WIPI2: variants seen among roughly 807,000 people sequenced by gnomAD.
WIPI2 encodes the protein WD repeat domain, phosphoinositide interacting 2, also known as WD repeat domain phosphoinositide-interacting protein 2.
WIPI2 carries 28 observed loss-of-function variants against 52.3 expected under a neutral mutation model. The observed-to-expected ratio is 0.54, with a 90% CI of 0.40 to 0.73. The LOEUF is 0.73. WIPI2 is among the 30% of genes least tolerant of loss of function. WIPI2 has a pLI of 0.00. For synonymous variants in WIPI2, 268 were observed against 245.0 expected (o/e 1.09, Z -0.88); for missense variants, 506 against 602.9 (o/e 0.84, Z 1.68).
In WIPI2 at chr7:5,217,122, T is replaced by A. The variant is rs757815497; in HGVS notation, c.511T>A (p.Cys171Ser). The change falls in exon 6 of 13, where the codon TGC becomes AGC. Residue 171 changes from cysteine (C) to serine (S), a missense_variant. Around this residue, in one of 4 missense-constraint regions of WIPI2, gnomAD observed 237 missense variants for 346.9 expected, o/e 0.68. Coordinates refer to ENST00000288828, the MANE Select transcript of WIPI2 (RefSeq NM_015610.4). ...LCALSINNDNCYLAYPGSATI... is the reference protein window; with the variant it reads ...LCALSINNDNSYLAYPGSATI... ...TGCGCTGTCAATCAACAACGACAACTGCTACTTGGCGTACCCAGGGAGCGC... is the reference window on the plus strand; with the variant it reads ...TGCGCTGTCAATCAACAACGACAACAGCTACTTGGCGTACCCAGGGAGCGC... The A allele has an allele frequency of 1.2e-6, 2 of 1,613,946 alleles. No homozygotes were observed. The highest frequency in any genetic ancestry group is 2.2e-5 in the South Asian group (2 of 91,064).
At chr7:5,214,790 C>A in intron 4 of WIPI2, 86 bp downstream of exon 4, 2 of 1,479,670 alleles carry the variant, frequency 1.4e-6, no homozygotes, top group Non-Finnish European at 1.9e-6. Context: ...CATGCCCCTC[C>A]GTCATTCCCT....
intron 2 of WIPI2, among the ~76,000 whole-genome samples, chr7:5,197,970 G>T (rs1006378882): frequency 2.6e-5 from 4 of 152,180 alleles, no homozygotes; most frequent in Non-Finnish European, 5.9e-5. Context: ...GCACTTTTCT[G>T]ATGAGGAAAC....
intron 2 of WIPI2, among the ~76,000 whole-genome samples, chr7:5,196,029 C>A (rs1383584332): frequency 1.3e-5 from 2 of 150,860 alleles, no homozygotes; most frequent in Non-Finnish European, 2.9e-5. Context: ...CAGAGCAAGA[C>A]TCCATCTCAA....
At chr7:5,216,998 G>T in intron 5 of WIPI2, 92 bp from the exon 6 acceptor site, 1 of 1,290,012 alleles carries the variant, frequency 7.8e-7, no homozygotes, top group South Asian at 1.4e-5. Context: ...TGTTCCTAAT[G>T]CTCTGTTAAA....
At chr7:5,203,765 G>A (rs372298162) in intron 3 of WIPI2, among the ~76,000 whole-genome samples, 6 of 149,540 alleles carry the variant, frequency 4.0e-5, no homozygotes, top group East Asian at 2.1e-4. Context: ...CCCGAGTAGC[G>A]CCACCATGCC....
At chr7:5,200,342 C>A (rs10951842) in intron 3 of WIPI2, among the ~76,000 whole-genome samples, 1 of 152,080 alleles carries the variant, frequency 6.6e-6, no homozygotes, top group Admixed American at 6.6e-5. Flanking sequence ...TTTCCACGTG[C>A]GTAATTTTTA....
chr7:5,214,265 A>C, intron 3 of WIPI2: 1 of 1,413,754 alleles, frequency 7.1e-7, no homozygotes, highest in Non-Finnish European at 9.3e-7. Context: ...ATTCAAATCC[A>C]GCAACAGAAC....
rs1389401488 is a variant in WIPI2, at chr7:5,232,063, C to T, written c.*1116C>T. On this transcript the variant is annotated 3_prime_UTR_variant, in exon 13 of 13. Transcript: ENST00000288828. ...TTTCATATTTACAGAATTAAAACAA[C>T]CTCAAGTACCTCAGACTCTGCATTC... 2.5e-6 allele frequency: 1 copy of T among 398,052 alleles called. No individual in the cohort carries two copies. The highest frequency in any genetic ancestry group is 4.4e-6 in the Non-Finnish European group (1 of 226,012). 24.7% of individuals were successfully genotyped at this position (398,052 alleles called of 1,614,324 possible).
chr7:5,213,548 G>T (rs568947553), intron 3 of WIPI2: 2 of 152,268 alleles, frequency 1.3e-5, no homozygotes, highest in African/African-American at 2.4e-5. Flanking sequence ...TTAGTCACAC[G>T]CAGCGCAGGT....
At chr7:5,192,184 A>C (rs1310208165) in intron 1 of WIPI2, among the ~76,000 whole-genome samples, 4 of 152,202 alleles carry the variant, frequency 2.6e-5, no homozygotes, top group Non-Finnish European at 5.9e-5. Flanking sequence ...AACAACAAAC[A>C]ATTCGGACAA....
rs1783757851 is a variant in WIPI2 at position 5,232,201 on chromosome 7, G to C, written c.*1254G>C. The C allele has an allele frequency of 2.5e-6, 1 of 398,784 alleles. No homozygotes were observed. Among genetic ancestry groups the C allele is most frequent in the Non-Finnish European group, 4.4e-6 (1 of 226,082 alleles). 24.7% of individuals were successfully genotyped at this position (398,784 alleles called of 1,614,324 possible). A position where few individuals can be genotyped will look rare whatever the true frequency, so the allele number is the denominator to read the frequency against. ...TGGAAGTTACGGATAGAAGGGAAAA[G>C]GCAAAAACTATTTACCCTGCCTTTG... On this transcript the variant is annotated 3_prime_UTR_variant, in exon 13 of 13. Coordinates refer to ENST00000288828, the MANE Select transcript of WIPI2 (RefSeq NM_015610.4).
intron 2 of WIPI2, 184 bp downstream of exon 2, chr7:5,193,355 G>A (rs777485038): frequency 1.3e-5 from 18 of 1,403,886 alleles, no homozygotes; most frequent in Admixed American, 1.2e-4. Flanking sequence ...AGTTAGTGAT[G>A]TAGCAATGTC....
chr7:5,199,489 G>C, intron 2 of WIPI2, 87 bp from the exon 3 acceptor site: 1 of 1,172,568 alleles, frequency 8.5e-7, no homozygotes, highest in Non-Finnish European at 1.2e-6. Context: ...AACTTGCTGG[G>C]AACTCGCTGG....
intron 3 of WIPI2, among the ~76,000 whole-genome samples, chr7:5,209,275 G>T (rs944358290): frequency 6.6e-6 from 1 of 152,130 alleles, no homozygotes. Context: ...TCTAATGTTT[G>T]TGCCTTTTAT....
intron 7 of WIPI2, chr7:5,218,899 G>T (rs911469030): frequency 6.6e-6 from 1 of 152,042 alleles, no homozygotes; most frequent in South Asian, 2.1e-4. Flanking sequence ...ATTGGCCACC[G>T]ATGACCTTTA....
At chr7:5,209,847 A>G (rs929927567) in intron 3 of WIPI2, among the ~76,000 whole-genome samples, 2 of 152,000 alleles carry the variant, frequency 1.3e-5, no homozygotes, top group African/African-American at 2.4e-5. Context: ...TCCCTTGCCC[A>G]TGCATATCCC....
chr7:5,222,052 C>T (rs1287295770), intron 7 of WIPI2, among the ~76,000 whole-genome samples: 1 of 149,750 alleles, frequency 6.7e-6, no homozygotes, highest in African/African-American at 2.5e-5. Flanking sequence ...TGGGTTCAAG[C>T]GATTCTTCTG....
Position 5,223,337 on chromosome 7 carries a change from G to A in WIPI2, c.740+665G>A, listed in dbSNP as rs112724871. ...CCTCAGGTCTGTGGCTCCACGTCTC[G>A]GATCAGTACCTCCCTCCCTGAAGGT... On this transcript the variant is annotated intron_variant, in intron 8 of 12. Transcript: ENST00000288828. Among the ~76,000 whole-genome samples, 68 of 152,302 alleles carry A rather than the reference G, an allele frequency of 4.5e-4. 1 individual carries two copies. Among genetic ancestry groups the A allele is most frequent in the Middle Eastern group, 3.4e-3 (1 of 294 alleles).
In WIPI2 at chr7:5,225,965, G is replaced by A. The variant is rs776153536; in HGVS notation, c.848+35G>A. 3.8e-6 allele frequency: 6 copies of A among 1,580,270 alleles called. No homozygotes were observed. The African/African-American group carries it at 4.0e-5, about 11-fold the overall frequency. On this transcript the variant is annotated intron_variant, in intron 9 of 12. Transcript: ENST00000288828. ...AAATATACGTTTCTTTAAAAATGAT[G>A]CAAAACCCTTTGTCCCCACTTGCTG...
Sources: allele counts gnomAD v4.1 joint callset (sites outside exome capture counted in the v4.1 genomes callset), GRCh38; gene constraint gnomAD v4.1.1; regional missense constraint gnomAD v4.1.1; transcripts MANE v1.5; gene names NCBI Gene and HGNC (gene_info 2026-07-23, HGNC 2026-07-21).